Variants in MOB1A observed in about 807,000 individuals in gnomAD.
MOB1A encodes MOB1 Mps One Binder homolog A.
In MOB1A, 10 loss-of-function variants were observed where a neutral mutation model predicts 25.1. That is an observed-to-expected ratio of 0.40 (90% CI 0.25 to 0.68). MOB1A has a LOEUF of 0.68. Ranked by LOEUF, MOB1A falls within the 30% of genes least tolerant of loss-of-function variation. MOB1A has a pLI of 0.40. For missense variants in MOB1A, 177 were observed against 256.3 expected, an observed-to-expected ratio of 0.69 and a Z score of 2.11; for synonymous variants, 81 against 79.5, an observed-to-expected ratio of 1.02 and a Z score of -0.10.
chr2:74,162,167 T>A (rs1692992617), intron 4 of MOB1A, among the ~76,000 whole-genome samples: 1 of 152,046 alleles, frequency 6.6e-6, no homozygotes. Context: ...TGGATCAGAA[T>A]GAATTATTTA....
chr2:74,176,137 G>T (rs935734959), intron 1 of MOB1A, among the ~76,000 whole-genome samples: 8 of 146,146 alleles, frequency 5.5e-5, no homozygotes, highest in Admixed American at 1.4e-4. Flanking sequence ...CTAGCCGGGC[G>T]TGGTGGCAAG....
chr2:74,174,269 C>CAAAAAAAAA (rs760925429), intron 1 of MOB1A, among the ~76,000 whole-genome samples: 1 of 80,720 alleles, frequency 1.2e-5, no homozygotes, highest in African/African-American at 3.9e-5. Flanking sequence ...GACTCCGTCT[C>CAAAAAAAAA]AAAAAAAAAA....
At chr2:74,173,178 G>C (rs919518464) in intron 1 of MOB1A, 1 of 517,658 alleles carries the variant, frequency 1.9e-6, no homozygotes, top group Non-Finnish European at 3.9e-6. Flanking sequence ...AAGATAGGAA[G>C]ATGATGATCA....
intron 4 of MOB1A, among the ~76,000 whole-genome samples, chr2:74,161,415 G>A (rs1443475639): frequency 4.0e-5 from 6 of 149,942 alleles, no homozygotes; most frequent in African/African-American, 9.8e-5. Context: ...AGGCCGAGGC[G>A]GGCGGATCAT....
intron 4 of MOB1A, among the ~76,000 whole-genome samples, chr2:74,160,993 A>G (rs992014514): frequency 6.6e-6 from 1 of 151,978 alleles, no homozygotes; most frequent in African/African-American, 2.4e-5. Context: ...CAGGAGGCGG[A>G]GGTTGCAGTG....
At position 74,165,351 on chromosome 2, in the gene MOB1A, T is replaced by C. The variant is rs1232099660; in HGVS notation, c.276A>G (p.Arg92=). 1 of 1,499,304 alleles carries C rather than the reference T, an allele frequency of 6.7e-7. No individual in the cohort carries two copies. Among genetic ancestry groups the C allele is most frequent in the Non-Finnish European group, 8.9e-7 (1 of 1,122,240 alleles). The allele number at this position is 1,499,304 out of a possible 1,614,324, so 92.9% of individuals were successfully genotyped here. Residue 92 remains arginine, a splice_region_variant and synonymous_variant, in exon 4 of 6, where the codon AGA becomes AGG. Transcript: ENST00000396049. ...ASCPVMSAGP[R]YEYHWADGTN... is the part of the protein sequence containing the mutation. ...TACCATCTGCCCAGTGATATTCATATCTGAAGAGAAAAATGTTTTACTGAT... is the reference window on the plus strand; with the variant it reads ...TACCATCTGCCCAGTGATATTCATACCTGAAGAGAAAAATGTTTTACTGAT...
At position 74,158,083 on chromosome 2, in the gene MOB1A, G is replaced by A. The variant is rs369731887; in HGVS notation, c.573+1008C>T. Among the ~76,000 whole-genome samples, 16 of 151,514 alleles carry A rather than the reference G, an allele frequency of 1.1e-4. No homozygotes were observed. In the South Asian group the frequency reaches 3.3e-3, roughly 32 times the overall value. ...TAATCCCAGCTACTGAGGAGGCTGAGGCAGGAGAACTGCTTGAACCCAGGA... is the reference window on the plus strand; with the variant it reads ...TAATCCCAGCTACTGAGGAGGCTGAAGCAGGAGAACTGCTTGAACCCAGGA... On this transcript the variant is annotated intron_variant, in intron 5 of 5. Transcript: ENST00000396049.
At chr2:74,166,989 C>T (rs747837465) in intron 3 of MOB1A, 25 bp downstream of exon 3, 1 of 1,517,790 alleles carries the variant, frequency 6.6e-7, no homozygotes, top group Non-Finnish European at 9.1e-7. Flanking sequence ...AATCCAAACA[C>T]CTATATAATA....
At chr2:74,177,068 T>C (rs569825115) in intron 1 of MOB1A, among the ~76,000 whole-genome samples, 2 of 152,034 alleles carry the variant, frequency 1.3e-5, no homozygotes, top group Admixed American at 1.3e-4. Context: ...AAAAAGAAAG[T>C]CTCGGCCGAG....
At chr2:74,176,763 C>CAAAA (rs754041457) in intron 1 of MOB1A, among the ~76,000 whole-genome samples, 7 of 88,908 alleles carry the variant, frequency 7.9e-5, no homozygotes, top group South Asian at 3.5e-4. Flanking sequence ...GACTCTGTCT[C>CAAAA]AAAAAAAAAA....
At chr2:74,170,123 T>C (rs1167375846) in intron 2 of MOB1A, among the ~76,000 whole-genome samples, 1 of 151,756 alleles carries the variant, frequency 6.6e-6, no homozygotes, top group East Asian at 1.9e-4. Context: ...AATAAAGTTT[T>C]GTTTGTTTGT....
chr2:74,154,045 G>A lies in MOB1A; in HGVS notation c.*2523C>T, dbSNP rs1692732089. The A allele has an allele frequency of 6.6e-6, 1 of 152,060 alleles. No individual in the cohort carries two copies. The highest frequency in any genetic ancestry group is 1.5e-5 in the Non-Finnish European group (1 of 68,064). The allele number at this position is 152,060 out of a possible 1,614,324, so 9.4% of individuals were successfully genotyped here. A position where few individuals can be genotyped will look rare whatever the true frequency, so the allele number is the denominator to read the frequency against. On this transcript the variant is annotated 3_prime_UTR_variant, in exon 6 of 6. Coordinates refer to ENST00000396049, the MANE Select transcript of MOB1A (RefSeq NM_018221.5). ...GCATGACTAAAAATAGAAAAAATTA[G>A]CTGGGCGTGGTGGCGGGCACCTGTA...
intron 1 of MOB1A, among the ~76,000 whole-genome samples, chr2:74,174,560 A>G (rs1378263674): frequency 1.3e-5 from 2 of 152,222 alleles, no homozygotes; most frequent in African/African-American, 4.8e-5. Flanking sequence ...TAAGTTTATA[A>G]TAGGGAAAAT....
intron 4 of MOB1A, among the ~76,000 whole-genome samples, chr2:74,161,922 A>C (rs1441730720): frequency 6.6e-6 from 1 of 152,074 alleles, no homozygotes; most frequent in Admixed American, 6.6e-5. Flanking sequence ...GCACCACTGC[A>C]CTCTAGCCTG....
intron 4 of MOB1A, among the ~76,000 whole-genome samples, chr2:74,162,512 C>A (rs1360605161): frequency 6.6e-6 from 1 of 151,888 alleles, no homozygotes; most frequent in East Asian, 1.9e-4. Flanking sequence ...GAGGATAAAT[C>A]AAAAGAATTA....
At chr2:74,165,043 G>C in intron 4 of MOB1A, 175 bp downstream of exon 4, 1 of 375,876 alleles carries the variant, frequency 2.7e-6, no homozygotes, top group Non-Finnish European at 4.7e-6. Flanking sequence ...AAACAGGCTG[G>C]ATACGGTGGC....
chr2:74,165,444 T>C lies in MOB1A; in HGVS notation c.276-93A>G, dbSNP rs945753389. The stretch of plus-strand genomic sequence containing the variant: ...AACAGGTTCATTCACATTTTGTCAA[T>C]AGAAGTTACATCTAACTTTAATAAA... On this transcript the variant is annotated intron_variant, in intron 3 of 5. Transcript: ENST00000396049. 9.9e-5 allele frequency: 70 copies of C among 707,244 alleles called. 1 individual carries two copies. Among genetic ancestry groups the C allele is most frequent in the South Asian group, 4.9e-4 (14 of 28,748 alleles). The allele number at this position is 707,244 out of a possible 1,614,324, so 43.8% of individuals were successfully genotyped here.
rs542730133 is a variant in MOB1A at position 74,169,436 on chromosome 2, C to T, written c.182-2329G>A. On this transcript the variant is annotated intron_variant, in intron 2 of 5. Coordinates refer to ENST00000396049, the MANE Select transcript of MOB1A (RefSeq NM_018221.5). ...AGAACTGCTTGAAGCCAGGAGGCAG[C>T]TGCAGTGAGCCAAGATCGTGACACT... is the stretch of plus-strand genomic sequence containing the variant. Among the ~76,000 whole-genome samples, 9 of 152,174 alleles carry T rather than the reference C, an allele frequency of 5.9e-5. No individual in the cohort carries two copies. In the South Asian group the frequency reaches 1.7e-3, roughly 28 times the overall value.
At chr2:74,177,686 AGT>A (rs1182871285) in intron 1 of MOB1A, among the ~76,000 whole-genome samples, 2 of 152,168 alleles carry the variant, frequency 1.3e-5, no homozygotes, top group Non-Finnish European at 2.9e-5. Flanking sequence ...AAAACTATAT[AGT>A]GTTTTTATAT....
Sources: gnomAD v4.1 joint callset for allele counts (sites outside exome capture counted in the v4.1 genomes callset) on GRCh38, gnomAD v4.1.1 for gene constraint, MANE v1.5 for transcripts, NCBI Gene and HGNC (gene_info 2026-07-23, HGNC 2026-07-21) for gene names.